CSMD1: variants seen among roughly 807,000 people sequenced by gnomAD.
The protein encoded by CSMD1 is CUB and sushi domain-containing protein 1.
CSMD1 carries 213 observed loss-of-function variants against 417.5 expected under a neutral mutation model. That is an observed-to-expected ratio of 0.51 (90% CI 0.46 to 0.57). The LOEUF (loss-of-function observed/expected upper bound fraction) is 0.57, where lower values mean the gene tolerates loss of function less well. Among genes scored for constraint, CSMD1 ranks in the 20% least tolerant of loss-of-function variants. The pLI is 0.00. For synonymous variants in CSMD1, 2,862 were observed against 1,736.8 expected (o/e 1.65, Z -16.11); for missense variants, 6,923 against 4,529.7 (o/e 1.53, Z -15.17).
chr8:3,214,649 T>C lies in CSMD1; in HGVS notation c.4715A>G (p.Asn1572Ser). Residue 1572 changes from asparagine (N) to serine (S), a missense_variant, in exon 30 of 70, where the codon AAT (asparagine) becomes AGT (serine). By Grantham distance (46) the Asn-to-Ser change is conservative (BLOSUM62 1). Coordinates refer to ENST00000635120, the MANE Select transcript of CSMD1 (RefSeq NM_033225.6). ...GAAGTCTGTTCCAACTCTTGTCCCA[T>C]TCATTATATTTCCTGGGTCAAAACA... ...EACFDPGNIMNGTRVGTDFKL... is the reference protein window; with the variant it reads ...EACFDPGNIMSGTRVGTDFKL... The C allele has an allele frequency of 6.4e-7, 1 of 1,552,002 alleles. No homozygotes were observed. The highest frequency in any genetic ancestry group is 1.2e-5 in the South Asian group (1 of 83,968).
chr8:4,078,939 ATATG>A (rs1257838756), intron 3 of CSMD1, among the ~76,000 whole-genome samples: 2,750 of 18,646 alleles, frequency 0.15, 111 homozygotes, highest in South Asian at 0.22. Flanking sequence ...ATATATATAT[ATATG>A]TATGTTGAAA....
chr8:3,926,102 C>T (rs796945186), intron 5 of CSMD1, among the ~76,000 whole-genome samples: 1 of 52,094 alleles, frequency 1.9e-5, no homozygotes, highest in Non-Finnish European at 4.2e-5. Flanking sequence ...CACACACACA[C>T]ACACACACAC....
At chr8:4,030,241 G>A (rs1797271983) in intron 4 of CSMD1, among the ~76,000 whole-genome samples, 1 of 152,108 alleles carries the variant, frequency 6.6e-6, no homozygotes, top group Non-Finnish European at 1.5e-5. Flanking sequence ...GGGGAGCTCT[G>A]ACCCCACATT....
intron 3 of CSMD1, among the ~76,000 whole-genome samples, chr8:4,157,296 G>C (rs1009956549): frequency 6.6e-6 from 1 of 152,182 alleles, no homozygotes; most frequent in African/African-American, 2.4e-5. Context: ...CAATTGCAGA[G>C]CTGGGTCACT....
intron 63 of CSMD1, 80 bp downstream of exon 63, chr8:2,957,616 T>C (rs2128923280): frequency 3.2e-6 from 3 of 933,614 alleles, no homozygotes; most frequent in Middle Eastern, 2.2e-4. Flanking sequence ...TTTCTCATTA[T>C]TTCCCTTAGT....
chr8:3,715,760 C>G (rs1378902514), intron 6 of CSMD1, among the ~76,000 whole-genome samples: 1 of 152,186 alleles, frequency 6.6e-6, no homozygotes, highest in Admixed American at 6.5e-5. Flanking sequence ...CCAAACTGGT[C>G]TCAAACTCCC....
At chr8:3,538,328 G>C (rs770529719) in intron 10 of CSMD1, among the ~76,000 whole-genome samples, 2 of 152,146 alleles carry the variant, frequency 1.3e-5, no homozygotes, top group Admixed American at 6.5e-5. Context: ...TGCCTCATCT[G>C]AGATTATGCA....
Position 4,858,535 on chromosome 8 carries a change from T to C in CSMD1, c.85+135797A>G, listed in dbSNP as rs144878158. ...AAAACCCCAATGTCTCAGCCCAAAATCTCCTTAAGCTGATAAACAACTTCG... is the reference window on the plus strand; with the variant it reads ...AAAACCCCAATGTCTCAGCCCAAAACCTCCTTAAGCTGATAAACAACTTCG... On this transcript the variant is annotated intron_variant, in intron 1 of 69. Coordinates refer to ENST00000635120, the MANE Select transcript of CSMD1 (RefSeq NM_033225.6). Among the ~76,000 whole-genome samples the C allele has an allele frequency of 7.0e-3, 1,060 of 152,112 alleles. 16 individuals carry two copies. The highest frequency in any genetic ancestry group is 0.025 in the African/African-American group (1,026 of 41,478).
chr8:4,404,265 G>C (rs953093513), intron 3 of CSMD1, among the ~76,000 whole-genome samples: 1 of 152,014 alleles, frequency 6.6e-6, no homozygotes, highest in Non-Finnish European at 1.5e-5. Flanking sequence ...ATATATTTAT[G>C]TCATCTATCA....
At chr8:4,483,243 T>G (rs1244703550) in intron 2 of CSMD1, among the ~76,000 whole-genome samples, 1 of 152,212 alleles carries the variant, frequency 6.6e-6, no homozygotes, top group Non-Finnish European at 1.5e-5. Context: ...CCACCATGAC[T>G]GTGAGGCCTC....
chr8:3,440,423 T>C (rs542732506), intron 12 of CSMD1, among the ~76,000 whole-genome samples: 1 of 152,322 alleles, frequency 6.6e-6, no homozygotes, highest in South Asian at 2.1e-4. Flanking sequence ...AATTGTATTT[T>C]AAAGAAATTG....
chr8:4,717,222 T>A (rs1217704507), intron 1 of CSMD1, among the ~76,000 whole-genome samples: 1 of 150,942 alleles, frequency 6.6e-6, no homozygotes, highest in African/African-American at 2.4e-5. Flanking sequence ...AGGTTCCAAA[T>A]ACATAACATA....
intron 1 of CSMD1, among the ~76,000 whole-genome samples, chr8:4,654,061 G>A (rs1181193612): frequency 6.6e-6 from 1 of 152,038 alleles, no homozygotes; most frequent in Admixed American, 6.5e-5. Context: ...ACTTCTCAAA[G>A]CCCCATAATG....
chr8:3,351,299 T>C (rs1267755286), intron 21 of CSMD1, among the ~76,000 whole-genome samples: 1 of 151,632 alleles, frequency 6.6e-6, no homozygotes, highest in Admixed American at 6.6e-5. Context: ...TCCCCAAAAG[T>C]ATTAAATTGC....
At chr8:4,320,463 C>T (rs1010404392) in intron 3 of CSMD1, among the ~76,000 whole-genome samples, 3 of 151,944 alleles carry the variant, frequency 2.0e-5, no homozygotes, top group Non-Finnish European at 4.4e-5. Flanking sequence ...CACCTATCAA[C>T]CTGCGATCTA....
At chr8:3,070,062 G>C (rs933082526) in intron 49 of CSMD1, among the ~76,000 whole-genome samples, 3 of 152,248 alleles carry the variant, frequency 2.0e-5, no homozygotes, top group African/African-American at 7.2e-5. Context: ...AGAACAGCCA[G>C]TATGCGGAAA....
intron 11 of CSMD1, among the ~76,000 whole-genome samples, chr8:3,470,392 C>A (rs551531374): frequency 6.6e-6 from 1 of 152,064 alleles, no homozygotes; most frequent in African/African-American, 2.4e-5. Flanking sequence ...GTAGGTAGTA[C>A]AAAATAATAT....
At chr8:4,706,854 T>G (rs1807978819) in intron 1 of CSMD1, among the ~76,000 whole-genome samples, 2 of 152,204 alleles carry the variant, frequency 1.3e-5, no homozygotes, top group South Asian at 2.1e-4. Flanking sequence ...TGGGGGAAAC[T>G]TCTTACAAGT....
intron 1 of CSMD1, among the ~76,000 whole-genome samples, chr8:4,823,391 G>A (rs1799629052): frequency 6.6e-6 from 1 of 151,888 alleles, no homozygotes; most frequent in Admixed American, 6.6e-5. Context: ...AAAAATCAAA[G>A]TAGTTCATTA....
Sources: allele counts gnomAD v4.1 joint callset (sites outside exome capture counted in the v4.1 genomes callset), GRCh38; gene constraint gnomAD v4.1.1; transcripts MANE v1.5; gene names NCBI Gene and HGNC (gene_info 2026-07-23, HGNC 2026-07-21).